The following WDR33 variants were observed in gnomAD, a reference collection of about 807,000 sequenced individuals.
WDR33 encodes the protein WD repeat domain 33.
In WDR33, 47 loss-of-function variants were observed where a neutral mutation model predicts 164.9. The ratio of observed to expected loss-of-function variants is 0.29; its 90% CI spans 0.23 to 0.36. The LOEUF (loss-of-function observed/expected upper bound fraction) is 0.36, where lower values mean the gene tolerates loss of function less well. Among genes scored for constraint, WDR33 ranks in the 10% least tolerant of loss-of-function variants. The probability of loss-of-function intolerance (pLI) is 1.00; values close to 1 mark genes in which losing one functional copy is unlikely to be tolerated. For missense variants in WDR33, 1,137 were observed against 1,754.1 expected, an observed-to-expected ratio of 0.65 and a Z score of 6.28; for synonymous variants, 505 against 589.0, an observed-to-expected ratio of 0.86 and a Z score of 2.06.
At chr2:127,746,162 A>T (rs1168581102) in intron 7 of WDR33, among the ~76,000 whole-genome samples, 1 of 152,110 alleles carries the variant, frequency 6.6e-6, no homozygotes, top group Non-Finnish European at 1.5e-5. Flanking sequence ...GAAATAAAAT[A>T]TGAGGACTTA....
chr2:127,767,529 C>T (rs900287470), intron 4 of WDR33, among the ~76,000 whole-genome samples: 3 of 151,954 alleles, frequency 2.0e-5, no homozygotes, highest in South Asian at 2.1e-4. Context: ...CTGGCTAACA[C>T]GGTGAAACCC....
chr2:127,716,410 T>G lies in WDR33; in HGVS notation c.2869+745A>C, dbSNP rs751871841. Among the ~76,000 whole-genome samples, 1 of 152,218 alleles carries G rather than the reference T, an allele frequency of 6.6e-6. No individual in the cohort carries two copies. ...TCCGAGTTGTGGTTTCTCCCCGTTA[T>G]GAAAGTGTGTGTCGAACATAACACA... On this transcript the variant is annotated intron_variant, in intron 17 of 21. Transcript: ENST00000322313. The surrounding 1 kb of genome is among the most constrained non-coding windows in gnomAD (Gnocchi z 4.5).
At chr2:127,766,130 G>A (rs771904531) in intron 4 of WDR33, among the ~76,000 whole-genome samples, 2 of 152,010 alleles carry the variant, frequency 1.3e-5, no homozygotes, top group Non-Finnish European at 2.9e-5. Context: ...ATATGTGCTG[G>A]TTAATTTGAA....
Position 127,706,590 on chromosome 2 carries a change from T to A in WDR33, c.3782-38A>T. 1.3e-6 allele frequency: 2 copies of A among 1,559,886 alleles called. No individual in the cohort carries two copies. Among genetic ancestry groups the A allele is most frequent in the Non-Finnish European group, 1.7e-6 (2 of 1,147,718 alleles). ...AAATTTCACATGGGACTTTTTGTAT[T>A]AGCAACTGTTTGTCAGTAACTCCCA... On this transcript the variant is annotated intron_variant, in intron 21 of 21. Coordinates refer to ENST00000322313, the MANE Select transcript of WDR33 (RefSeq NM_018383.5). The surrounding 1 kb of genome is among the most constrained non-coding windows in gnomAD (Gnocchi z 5.1).
chr2:127,727,392 G>C (rs1385062481), intron 7 of WDR33, among the ~76,000 whole-genome samples: 1 of 152,160 alleles, frequency 6.6e-6, no homozygotes, highest in Non-Finnish European at 1.5e-5. Flanking sequence ...ATTTTAGGCA[G>C]TGTAATGAGC....
chr2:127,762,741 A>G, intron 7 of WDR33: 1 of 1,082,638 alleles, frequency 9.2e-7, no homozygotes. Context: ...CACAGTGTCA[A>G]TATGTTGGGA....
At chr2:127,804,500 G>A (rs1351287134) in intron 1 of WDR33, among the ~76,000 whole-genome samples, 1 of 152,094 alleles carries the variant, frequency 6.6e-6, no homozygotes, top group Non-Finnish European at 1.5e-5. Context: ...GAGAAGTGCG[G>A]AGAAGTGCAT....
chr2:127,788,692 TG>T (rs1688719149), intron 1 of WDR33, among the ~76,000 whole-genome samples: 3 of 131,522 alleles, frequency 2.3e-5, no homozygotes, highest in East Asian at 2.6e-4. Context: ...GCTGGCCAGG[TG>T]GGGGGCTGAC....
intron 1 of WDR33, among the ~76,000 whole-genome samples, chr2:127,791,164 ACC>A (rs59673415): frequency 0.064 from 3,533 of 54,914 alleles, 79 homozygotes; most frequent in African/African-American, 0.2. Context: ...TCCCCACCCC[ACC>A]CCCCCCCCCA....
At chr2:127,803,947 CAAAAAA>C (rs559652976) in intron 1 of WDR33, among the ~76,000 whole-genome samples, 3 of 61,908 alleles carry the variant, frequency 4.8e-5, no homozygotes, top group Non-Finnish European at 6.7e-5. Context: ...GACCCAGTCT[CAAAAAA>C]AAAAAAAAAA....
intron 7 of WDR33, among the ~76,000 whole-genome samples, chr2:127,731,386 C>G (rs1280100891): frequency 2.0e-5 from 3 of 151,204 alleles, no homozygotes; most frequent in Non-Finnish European, 4.4e-5. Context: ...TAGGCACTCT[C>G]ATCTGTAATT....
In WDR33 at chr2:127,716,548, C is replaced by G. The variant is rs1388870058; in HGVS notation, c.2869+607G>C. ...ACTCTGCAAGACAGGGGGGTCCCAC[C>G]CATCTCAGGGGCCATGGTGCCCTGC... On this transcript the variant is annotated intron_variant, in intron 17 of 21. Coordinates refer to ENST00000322313, the MANE Select transcript of WDR33 (RefSeq NM_018383.5). The surrounding 1 kb of genome is among the most constrained non-coding windows in gnomAD (Gnocchi z 4.5). 1.3e-5 allele frequency among the ~76,000 whole-genome samples: 2 copies of G among 152,218 alleles called. No homozygotes were observed. The highest frequency in any genetic ancestry group is 2.9e-5 in the Non-Finnish European group (2 of 68,036).
At position 127,706,516 on chromosome 2, in the gene WDR33, T is replaced by C. The variant is rs1467606091; in HGVS notation, c.3818A>G (p.Lys1273Arg). 1.2e-6 allele frequency: 2 copies of C among 1,613,220 alleles called. No individual in the cohort carries two copies. Among genetic ancestry groups the C allele is most frequent in the East Asian group, 4.5e-5 (2 of 44,786 alleles). Residue 1273 changes from lysine to arginine, a missense_variant, in exon 22 of 22, where the codon AAA becomes AGA. Transcript: ENST00000322313. This position sits in a 1 kb window ranked among gnomAD's most constrained non-coding sequence, Gnocchi z 5.1. Reference sequence around the variant, plus strand: ...GTCTAAGGAGCTGGAACGCCCAGATTTGGGCACTCTCTGAGCAGGTCCTGG... The same window carrying C: ...GTCTAAGGAGCTGGAACGCCCAGATCTGGGCACTCTCTGAGCAGGTCCTGG... ...GGPGPAQRVP[K>R]SGRSSSLDGE...
chr2:127,806,712 G>C (rs1406462735), intron 1 of WDR33, among the ~76,000 whole-genome samples: 1 of 150,460 alleles, frequency 6.6e-6, no homozygotes, highest in African/African-American at 2.5e-5. Flanking sequence ...AAAAAAAGAT[G>C]ATGCTAAAGA....
Position 127,703,541 on chromosome 2 carries a change from A to G in WDR33, c.*2782T>C, listed in dbSNP as rs1039260856. ...GAAGTGACACAAGTGGCCAACATCC[A>G]CACTGTAGGCTTGCAGGCTACCCGC... On this transcript the variant is annotated 3_prime_UTR_variant, in exon 22 of 22. Coordinates refer to ENST00000322313, the MANE Select transcript of WDR33 (RefSeq NM_018383.5). 2 of 167,028 alleles carry G rather than the reference A, an allele frequency of 1.2e-5. No individual in the cohort carries two copies. The highest frequency in any genetic ancestry group is 4.8e-5 in the African/African-American group (2 of 41,430). The allele number at this position is 167,028 out of a possible 1,614,324, so 10.3% of individuals were successfully genotyped here.
rs534595728 is a variant in WDR33 at position 127,754,482 on chromosome 2, G to A, written c.724+8580C>T. ...CATTCAGGAAGGAGTGCAGTGGCGC[G>A]ATCTCGGCTCACTGCAGCCTTGGAT... On this transcript the variant is annotated intron_variant, in intron 7 of 21. Coordinates refer to ENST00000322313, the MANE Select transcript of WDR33 (RefSeq NM_018383.5). 5.9e-5 allele frequency among the ~76,000 whole-genome samples: 9 copies of A among 152,148 alleles called. No individual in the cohort carries two copies. The East Asian group carries it at 1.4e-3, about 23-fold the overall frequency.
chr2:127,762,419 C>T, intron 7 of WDR33: 1 of 751,320 alleles, frequency 1.3e-6, no homozygotes, highest in Non-Finnish European at 1.6e-6. Flanking sequence ...AATATTTCAA[C>T]AGTCCCACTT....
At chr2:127,745,784 C>T (rs1687150235) in intron 7 of WDR33, among the ~76,000 whole-genome samples, 2 of 152,098 alleles carry the variant, frequency 1.3e-5, no homozygotes, top group South Asian at 2.1e-4. Flanking sequence ...GTCTTACACT[C>T]ATCCAACATG....
intron 1 of WDR33, among the ~76,000 whole-genome samples, chr2:127,809,817 G>C (rs1247258665): frequency 5.3e-5 from 8 of 152,076 alleles, no homozygotes. Flanking sequence ...CAAGAAGATA[G>C]TCTAAATATG....
Sources: gnomAD v4.1 joint callset for allele counts (sites outside exome capture counted in the v4.1 genomes callset) on GRCh38, gnomAD v4.1.1 for gene constraint, Gnocchi (gnomAD v3.1) non-coding constraint, MANE v1.5 for transcripts, NCBI Gene and HGNC (gene_info 2026-07-23, HGNC 2026-07-21) for gene names.